Variants in PEX5L observed in about 807,000 individuals in gnomAD.
PEX5L encodes PEX5-related protein.
A neutral mutation model predicts 84.0 loss-of-function variants in PEX5L; 30 were observed. The ratio of observed to expected loss-of-function variants is 0.36; its 90% CI spans 0.27 to 0.48. PEX5L has a LOEUF of 0.48. Ranked by LOEUF, PEX5L falls within the 20% of genes least tolerant of loss-of-function variation. The probability of loss-of-function intolerance (pLI) is 0.99; values close to 1 mark genes in which losing one functional copy is unlikely to be tolerated. For missense variants in PEX5L, 533 were observed against 754.6 expected (o/e 0.71, Z 3.44); for synonymous variants, 270 against 283.1 (o/e 0.95, Z 0.46).
At position 179,985,917 on chromosome 3, in the gene PEX5L, G is replaced by A. The variant is rs76766449; in HGVS notation, c.22-14252C>T. Among the ~76,000 whole-genome samples the A allele has an allele frequency of 5.8e-3, 880 of 152,240 alleles. 8 individuals are homozygous for A. The highest frequency in any genetic ancestry group is 0.02 in the African/African-American group (845 of 41,548). On this transcript the variant is annotated intron_variant, in intron 1 of 14. Transcript: ENST00000467460. The stretch of plus-strand genomic sequence containing the variant: ...AAGAGGTTTACAGTGTGCAAGCAGT[G>A]AGTGAGGCTTCCTGGTGGCCCATGC...
Position 179,974,419 on chromosome 3 carries a change from G to A in PEX5L, c.22-2754C>T, listed in dbSNP as rs115468987. Among the ~76,000 whole-genome samples the A allele has an allele frequency of 1.4e-4, 22 of 152,280 alleles. No homozygotes were observed. In the South Asian group the frequency reaches 4.4e-3, roughly 30 times the overall value. On this transcript the variant is annotated intron_variant, in intron 1 of 14. Transcript: ENST00000467460. ...CTTAGCATGCTGCCCATTTATGGAC[G>A]ACTTTGTGCACTGTTCCCCTAGGTG...
At chr3:179,898,102 A>G (rs1402704653) in intron 3 of PEX5L, 40 bp downstream of exon 3, 5 of 1,256,042 alleles carry the variant, frequency 4.0e-6, no homozygotes, top group Admixed American at 1.8e-5. Context: ...ATATATTAAC[A>G]TATGTCAGCT....
intron 8 of PEX5L, among the ~76,000 whole-genome samples, chr3:179,856,374 GGATAT>G (rs1743944562): frequency 2.0e-5 from 1 of 51,196 alleles, no homozygotes; most frequent in African/African-American, 9.9e-5. Context: ...TTTGCTATAA[GGATAT>G]GATATAATTT....
chr3:179,866,883 G>A (rs1288515292), intron 7 of PEX5L, among the ~76,000 whole-genome samples: 3 of 151,362 alleles, frequency 2.0e-5, no homozygotes, highest in South Asian at 2.1e-4. Context: ...AAAATCAGCC[G>A]GGCATGGTGG....
At chr3:179,885,363 T>C (rs1349963237) in intron 4 of PEX5L, among the ~76,000 whole-genome samples, 3 of 152,094 alleles carry the variant, frequency 2.0e-5, no homozygotes, top group Admixed American at 6.5e-5. Flanking sequence ...AGGGGAAATT[T>C]GGGCCAGGCG....
At chr3:179,873,470 T>A (rs1751059526) in intron 7 of PEX5L, among the ~76,000 whole-genome samples, 1 of 152,196 alleles carries the variant, frequency 6.6e-6, no homozygotes, top group East Asian at 1.9e-4. Flanking sequence ...ACTTATGATA[T>A]CTTCGTGGTT....
intron 10 of PEX5L, among the ~76,000 whole-genome samples, chr3:179,815,029 C>A (rs528663258): frequency 5.4e-4 from 82 of 152,296 alleles, no homozygotes; most frequent in African/African-American, 1.9e-3. Context: ...AGTCTCTCAG[C>A]ATCCTGTGCA....
At chr3:179,826,773 G>A (rs1730660915) in intron 8 of PEX5L, among the ~76,000 whole-genome samples, 1 of 152,160 alleles carries the variant, frequency 6.6e-6, no homozygotes, top group Non-Finnish European at 1.5e-5. Context: ...AACTCACCAG[G>A]AAGCTCTCTA....
In PEX5L at chr3:179,876,924, T is replaced by C. The variant is rs1318939970; in HGVS notation, c.506-1447A>G. Among the ~76,000 whole-genome samples the C allele has an allele frequency of 2.6e-5, 4 of 152,046 alleles. No individual in the cohort carries two copies. The East Asian group carries it at 7.7e-4, about 29-fold the overall frequency. On this transcript the variant is annotated intron_variant, in intron 5 of 14. Coordinates refer to ENST00000467460, the MANE Select transcript of PEX5L (RefSeq NM_016559.3). Reference sequence around the variant, plus strand: ...TTTGGAATATTTGCATGTGTCATAATGAGATATCTTGGGGCTGGGACTCAA... The same window carrying C: ...TTTGGAATATTTGCATGTGTCATAACGAGATATCTTGGGGCTGGGACTCAA...
At chr3:179,972,479 A>G (rs1416852672) in intron 1 of PEX5L, among the ~76,000 whole-genome samples, 1 of 152,144 alleles carries the variant, frequency 6.6e-6, no homozygotes, top group Non-Finnish European at 1.5e-5. Flanking sequence ...GTTGATGAGA[A>G]TACTAGAAAT....
intron 2 of PEX5L, among the ~76,000 whole-genome samples, chr3:179,959,902 A>G (rs369970158): frequency 9.8e-4 from 150 of 152,338 alleles, no homozygotes; most frequent in African/African-American, 3.5e-3. Context: ...CAGTGTAACT[A>G]TGTGTTTTCC....
At chr3:180,028,316 T>C (rs893152017) in intron 1 of PEX5L, among the ~76,000 whole-genome samples, 1 of 152,186 alleles carries the variant, frequency 6.6e-6, no homozygotes, top group Non-Finnish European at 1.5e-5. Context: ...ACAAGAAATG[T>C]TCTAAATTTC....
intron 1 of PEX5L, among the ~76,000 whole-genome samples, chr3:180,023,422 C>T (rs1790596386): frequency 1.3e-5 from 2 of 152,180 alleles, no homozygotes; most frequent in Admixed American, 1.3e-4. Context: ...AGCATGCTCC[C>T]AAACAGCACG....
At chr3:179,868,630 C>T (rs993294331) in intron 7 of PEX5L, among the ~76,000 whole-genome samples, 3 of 152,076 alleles carry the variant, frequency 2.0e-5, no homozygotes, top group Non-Finnish European at 4.4e-5. Flanking sequence ...CTTCCTTTGC[C>T]CAGATCTAGG....
At chr3:179,862,803 T>C (rs1746671883) in intron 7 of PEX5L, among the ~76,000 whole-genome samples, 1 of 152,180 alleles carries the variant, frequency 6.6e-6, no homozygotes, top group South Asian at 2.1e-4. Flanking sequence ...CTTATCAAAA[T>C]TCCCATGATG....
chr3:179,822,273 T>C (rs938521966), intron 8 of PEX5L, among the ~76,000 whole-genome samples: 1 of 152,252 alleles, frequency 6.6e-6, no homozygotes, highest in Non-Finnish European at 1.5e-5. Context: ...ACAAGTCTTC[T>C]GCATGAAAGA....
chr3:179,868,128 C>G (rs751742829), intron 7 of PEX5L, among the ~76,000 whole-genome samples: 1 of 148,208 alleles, frequency 6.7e-6, no homozygotes, highest in African/African-American at 2.5e-5. Context: ...GATCTGCCTG[C>G]CTTGGTCTCC....
chr3:179,820,460 G>C (rs1728058120), intron 8 of PEX5L: 1 of 153,648 alleles, frequency 6.5e-6, no homozygotes, highest in Non-Finnish European at 1.4e-5. Context: ...AGCCTGGAGG[G>C]TTATGGTCCC....
chr3:179,807,100 C>G (rs1273555191), intron 14 of PEX5L, among the ~76,000 whole-genome samples: 2 of 152,158 alleles, frequency 1.3e-5, no homozygotes, highest in African/African-American at 4.8e-5. Flanking sequence ...AGAGAGGACG[C>G]AGACCTTAAC....
Sources: gnomAD v4.1 joint callset for allele counts (sites outside exome capture counted in the v4.1 genomes callset) on GRCh38, gnomAD v4.1.1 for gene constraint, MANE v1.5 for transcripts, NCBI Gene and HGNC (gene_info 2026-07-23, HGNC 2026-07-21) for gene names.